SKAP1: variants seen among roughly 807,000 people sequenced by gnomAD.
SKAP1 encodes src kinase-associated phosphoprotein 1.
In SKAP1, 44 loss-of-function variants were observed where a neutral mutation model predicts 58.5. The observed-to-expected ratio is 0.75, with a 90% confidence interval of 0.59 to 0.97. The LOEUF is 0.97. Among genes scored for constraint, SKAP1 ranks in the 50% least tolerant of loss-of-function variants. The pLI, the probability that SKAP1 is intolerant of heterozygous loss-of-function variation, is 0.00. For synonymous variants in SKAP1, 127 were observed against 149.7 expected (o/e 0.85, Z 1.11); for missense variants, 390 against 435.2 (o/e 0.90, Z 0.92).
chr17:48,201,491 C>T (rs2064727819), intron 4 of SKAP1, among the ~76,000 whole-genome samples: 2 of 152,096 alleles, frequency 1.3e-5, no homozygotes, highest in Non-Finnish European at 2.9e-5. Context: ...AAGCAACCCT[C>T]CTGCCCTCAG....
chr17:48,432,714 A>G (rs1407809118), upstream of SKAP1, among the ~76,000 whole-genome samples: 1 of 152,194 alleles, frequency 6.6e-6, no homozygotes, highest in Non-Finnish European at 1.5e-5. Flanking sequence ...CCATATGTCA[A>G]CCTAAACTTT....
chr17:48,254,259 T>C (rs569308833), intron 4 of SKAP1, among the ~76,000 whole-genome samples: 1 of 152,286 alleles, frequency 6.6e-6, no homozygotes, highest in East Asian at 1.9e-4. Context: ...TTTCCTTTTT[T>C]CCCCCTTCAG....
chr17:48,187,829 TGAA>T lies in SKAP1; in HGVS notation c.442+11_442+13del. ...CAGGAGTGAGATGCTGCTGTGTAAA[TGAA>T]GAACACTTACTCTTCTCATTAGCAT... On this transcript the variant is annotated intron_variant, in intron 6 of 12. Coordinates refer to ENST00000336915, the MANE Select transcript of SKAP1 (RefSeq NM_003726.4). 2 of 1,586,046 alleles carry T rather than the reference TGAA, an allele frequency of 1.3e-6. No individual in the cohort carries two copies. The highest frequency in any genetic ancestry group is 1.1e-5 in the South Asian group (1 of 90,250).
intron 2 of SKAP1, among the ~76,000 whole-genome samples, chr17:48,373,930 C>T (rs886563492): frequency 2.0e-5 from 3 of 152,116 alleles, no homozygotes; most frequent in African/African-American, 4.8e-5. Context: ...TTACCTGTGA[C>T]TTATGGAAAT....
At chr17:48,436,459 A>G in the SKAP1 span, among the ~76,000 whole-genome samples, 6 of 152,210 alleles carry the variant, frequency 3.9e-5, no homozygotes, top group Admixed American at 1.3e-4. Flanking sequence ...ACTATCTTTC[A>G]TACACAAAAT....
intron 11 of SKAP1, among the ~76,000 whole-genome samples, chr17:48,152,499 C>A (rs1300976427): frequency 1.3e-5 from 2 of 152,164 alleles, no homozygotes; most frequent in Non-Finnish European, 2.9e-5. Context: ...AAATCTCTGT[C>A]TAATAAATGT....
At chr17:48,325,754 T>TA (rs1251283483) in intron 4 of SKAP1, among the ~76,000 whole-genome samples, 1 of 152,224 alleles carries the variant, frequency 6.6e-6, no homozygotes, top group African/African-American at 2.4e-5. Flanking sequence ...CCATAGGTGT[T>TA]AAATAAAAAT....
At chr17:48,253,648 T>C (rs1007111395) in intron 4 of SKAP1, among the ~76,000 whole-genome samples, 1 of 152,110 alleles carries the variant, frequency 6.6e-6, no homozygotes, top group African/African-American at 2.4e-5. Context: ...ACCTGGACCC[T>C]GCTGTGTTCT....
At chr17:48,236,696 A>G (rs2065185068) in intron 4 of SKAP1, among the ~76,000 whole-genome samples, 1 of 152,220 alleles carries the variant, frequency 6.6e-6, no homozygotes, top group Admixed American at 6.5e-5. Flanking sequence ...AAGAGAAGGA[A>G]TTCACCAGAC....
At chr17:48,152,428 T>C (rs2063912538) in intron 11 of SKAP1, among the ~76,000 whole-genome samples, 1 of 152,206 alleles carries the variant, frequency 6.6e-6, no homozygotes, top group East Asian at 1.9e-4. Flanking sequence ...TCCTTTTAAA[T>C]AGGGCATCTC....
rs375397479 is a variant in SKAP1 at position 48,133,732 on chromosome 17, G to A, written c.*92C>T. 11 of 152,610 alleles carry A rather than the reference G, an allele frequency of 7.2e-5. No individual in the cohort carries two copies. Among genetic ancestry groups the A allele is most frequent in the South Asian group, 2.1e-4 (1 of 4,828 alleles). The allele number at this position is 152,610 out of a possible 1,614,324, so 9.5% of individuals were successfully genotyped here. ...TTCAGCAAAGAGAGGAGTCCAAGGC[G>A]TTGGTGGGGTGGCAGAAGTAGGGAG... On this transcript the variant is annotated 3_prime_UTR_variant, in exon 13 of 13. Transcript: ENST00000336915.
At chr17:48,203,075 A>C (rs1244204472) in intron 4 of SKAP1, among the ~76,000 whole-genome samples, 1 of 152,248 alleles carries the variant, frequency 6.6e-6, no homozygotes, top group African/African-American at 2.4e-5. Flanking sequence ...AACATGATTT[A>C]CAATGTGAAA....
intron 1 of SKAP1, among the ~76,000 whole-genome samples, chr17:48,427,789 C>T (rs746495092): frequency 2.0e-5 from 3 of 151,808 alleles, no homozygotes; most frequent in Admixed American, 6.6e-5. Context: ...GGAAACCCCA[C>T]CCCCACAGCC....
intron 1 of SKAP1, among the ~76,000 whole-genome samples, chr17:48,413,523 A>AAAATATATATATATATATATATATAT: frequency 9.5e-6 from 1 of 105,496 alleles, no homozygotes; most frequent in South Asian, 2.6e-4. Context: ...TCAAAAAAAA[A>AAAATATATATATATATATATATATAT]ATATATATAT....
At chr17:48,367,985 G>C (rs2067031904) in intron 2 of SKAP1, among the ~76,000 whole-genome samples, 1 of 151,886 alleles carries the variant, frequency 6.6e-6, no homozygotes, top group African/African-American at 2.4e-5. Context: ...GTATGAAGTG[G>C]AATGTTAGTT....
At chr17:48,242,343 T>C (rs557301199) in intron 4 of SKAP1, among the ~76,000 whole-genome samples, 1 of 152,308 alleles carries the variant, frequency 6.6e-6, no homozygotes, top group South Asian at 2.1e-4. Flanking sequence ...CCCCAGCACA[T>C]GGGCCTAAAC....
At chr17:48,221,958 T>C (rs1222700217) in intron 4 of SKAP1, among the ~76,000 whole-genome samples, 4 of 152,176 alleles carry the variant, frequency 2.6e-5, no homozygotes, top group African/African-American at 9.7e-5. Flanking sequence ...GAAAGCCCAA[T>C]TGGTTAACAT....
chr17:48,193,399 T>C (rs2064577102), intron 4 of SKAP1, among the ~76,000 whole-genome samples: 1 of 152,186 alleles, frequency 6.6e-6, no homozygotes, highest in Non-Finnish European at 1.5e-5. Context: ...TCTTGCCTGG[T>C]TCCCCTTATG....
intron 4 of SKAP1, among the ~76,000 whole-genome samples, chr17:48,335,425 T>C (rs1486786897): frequency 6.6e-6 from 1 of 152,016 alleles, no homozygotes; most frequent in Non-Finnish European, 1.5e-5. Context: ...GGGTTACTTT[T>C]AGTAGTCTCC....
Sources: gnomAD v4.1 joint callset for allele counts (sites outside exome capture counted in the v4.1 genomes callset) on GRCh38, gnomAD v4.1.1 for gene constraint, MANE v1.5 for transcripts, NCBI Gene and HGNC (gene_info 2026-07-23, HGNC 2026-07-21) for gene names.